The following WRN variants were observed in gnomAD, a reference collection of about 807,000 sequenced individuals.
WRN encodes the protein WRN RecQ like helicase.
In WRN, 149 loss-of-function variants were observed where a neutral mutation model predicts 180.7. The observed-to-expected ratio is 0.82, with a 90% CI of 0.72 to 0.94. WRN has a LOEUF of 0.94. Ranked by LOEUF, WRN falls within the 40% of genes least tolerant of loss-of-function variation. The pLI is 0.00. For synonymous variants in WRN, 548 were observed against 568.9 expected, an observed-to-expected ratio of 0.96 and a Z score of 0.52; for missense variants, 1,661 against 1,700.1, an observed-to-expected ratio of 0.98 and a Z score of 0.40.
chr8:31,148,004 C>T (rs1288198349), intron 30 of WRN, among the ~76,000 whole-genome samples: 1 of 151,760 alleles, frequency 6.6e-6, no homozygotes, highest in Non-Finnish European at 1.5e-5. Flanking sequence ...CCTCGCACCT[C>T]AGCCTCCCGA....
At chr8:31,071,197 G>A (rs1038994675) in intron 7 of WRN, among the ~76,000 whole-genome samples, 1 of 152,100 alleles carries the variant, frequency 6.6e-6, no homozygotes, top group East Asian at 1.9e-4. Context: ...ATAGGGCTGG[G>A]CGGATGAAGG....
At chr8:31,097,519 A>T (rs1286758145) in intron 17 of WRN, among the ~76,000 whole-genome samples, 1 of 152,216 alleles carries the variant, frequency 6.6e-6, no homozygotes, top group Non-Finnish European at 1.5e-5. Flanking sequence ...TATTTCCTAG[A>T]ACGTGTAAAT....
chr8:31,169,510 T>C lies in WRN; in HGVS notation c.4191+2280T>C, dbSNP rs1186788360. Among the ~76,000 whole-genome samples the C allele has an allele frequency of 3.3e-5, 5 of 152,152 alleles. No individual in the cohort carries two copies. The East Asian group carries it at 9.6e-4, about 29-fold the overall frequency. On this transcript the variant is annotated intron_variant, in intron 34 of 34. Transcript: ENST00000298139. ...TATTTTAGATAATTTTCCTAATGTTTTCCAGCTCATTTGGAAAGGCTACAG... is the reference window on the plus strand; with the variant it reads ...TATTTTAGATAATTTTCCTAATGTTCTCCAGCTCATTTGGAAAGGCTACAG...
At chr8:31,036,559 G>A (rs892531604) in intron 1 of WRN, among the ~76,000 whole-genome samples, 1 of 152,106 alleles carries the variant, frequency 6.6e-6, no homozygotes, top group East Asian at 1.9e-4. Context: ...CAGGTGTGAG[G>A]TGATATCTCA....
In WRN at chr8:31,058,383, A is replaced by G. The variant is rs1812355283; in HGVS notation, c.-65A>G. ...GTACTACCTCTCAGTTTTCTTTCAG[A>G]TATTGTTTTGTATTTACCCATGAAG... On this transcript the variant is annotated 5_prime_UTR_variant, in exon 2 of 35. Coordinates refer to ENST00000298139, the MANE Select transcript of WRN (RefSeq NM_000553.6). The G allele has an allele frequency of 1.5e-6, 2 of 1,377,586 alleles. No individual in the cohort carries two copies. Among genetic ancestry groups the G allele is most frequent in the South Asian group, 1.2e-5 (1 of 82,530 alleles). The allele number at this position is 1,377,586 out of a possible 1,614,324, so 85.3% of individuals were successfully genotyped here. A position where few individuals can be genotyped will look rare whatever the true frequency, so the allele number is the denominator to read the frequency against.
chr8:31,122,688 T>C (rs1801767079), intron 21 of WRN, among the ~76,000 whole-genome samples: 1 of 151,962 alleles, frequency 6.6e-6, no homozygotes, highest in South Asian at 2.1e-4. Flanking sequence ...ACTGGACTTA[T>C]TTTTGTAGTC....
At position 31,076,333 on chromosome 8, in the gene WRN, A is replaced by AT. The variant is rs764205700; in HGVS notation, c.839+53dup. 6.7e-4 allele frequency: 977 copies of AT among 1,461,056 alleles called. 1 individual carries two copies. The highest frequency in any genetic ancestry group is 8.7e-4 in the Non-Finnish European group (931 of 1,070,040). 90.5% of individuals were successfully genotyped at this position (1,461,056 alleles called of 1,614,324 possible). A position where few individuals can be genotyped will look rare whatever the true frequency, so the allele number is the denominator to read the frequency against. ...TTTTTAACTTAAATCAATTCTGTTT[A>AT]TTTTTTTATCACATTTTCCTATATG... On this transcript the variant is annotated intron_variant, in intron 8 of 34. Transcript: ENST00000298139.
At chr8:31,139,781 C>T (rs913280806) in intron 24 of WRN, among the ~76,000 whole-genome samples, 5 of 152,012 alleles carry the variant, frequency 3.3e-5, no homozygotes, top group African/African-American at 1.2e-4. Context: ...GTAGCCTTAG[C>T]CTCACTTCCT....
intron 30 of WRN, among the ~76,000 whole-genome samples, chr8:31,148,896 A>G (rs529159493): frequency 8.5e-5 from 13 of 152,340 alleles, no homozygotes; most frequent in South Asian, 4.1e-4. Context: ...AGCACCTAGC[A>G]CAATGCCTCA....
intron 31 of WRN, among the ~76,000 whole-genome samples, chr8:31,153,508 G>A (rs1275226934): frequency 3.9e-5 from 6 of 152,116 alleles, no homozygotes; most frequent in African/African-American, 1.4e-4. Flanking sequence ...TAGGCCCACC[G>A]TATGCTCAGA....
intron 16 of WRN, 46 bp downstream of exon 16, chr8:31,091,944 T>A: frequency 6.4e-7 from 1 of 1,569,244 alleles, no homozygotes; most frequent in Non-Finnish European, 8.8e-7. Flanking sequence ...TTTATGGGGG[T>A]GCATATGCAA....
Position 31,090,908 on chromosome 8 carries a change from A to T in WRN, c.1795A>T (p.Ile599Phe). ...GATTGGCCTTGTTATCTCTCCCCTT[A>T]TTTCTCTGATGGAAGACCAAGTGCT... The part of the protein sequence containing the change: ...GKIGLVISPL[I>F]SLMEDQVLQL... Residue 599 changes from isoleucine to phenylalanine, a missense_variant, in exon 15 of 35, where the codon ATT (isoleucine) becomes TTT (phenylalanine). Transcript: ENST00000298139. 1 of 1,612,616 alleles carries T rather than the reference A, an allele frequency of 6.2e-7. No individual in the cohort carries two copies. Among genetic ancestry groups the T allele is most frequent in the Non-Finnish European group, 8.5e-7 (1 of 1,179,138 alleles).
chr8:31,140,003 G>GTTTT (rs71539917), intron 24 of WRN, among the ~76,000 whole-genome samples: 862 of 62,106 alleles, frequency 0.014, 173 homozygotes, highest in East Asian at 0.029. Flanking sequence ...ATACTTCTTT[G>GTTTT]TTTTTTTTTT....
chr8:31,095,638 G>A (rs1813933853), intron 16 of WRN, among the ~76,000 whole-genome samples: 1 of 152,118 alleles, frequency 6.6e-6, no homozygotes, highest in Admixed American at 6.5e-5. Context: ...TTTTTAAAAA[G>A]ACTATGCTTT....
At chr8:31,109,619 A>C (rs938941675) in intron 18 of WRN, among the ~76,000 whole-genome samples, 6 of 152,298 alleles carry the variant, frequency 3.9e-5, no homozygotes, top group Non-Finnish European at 8.8e-5. Context: ...AATATTTATG[A>C]TAGTTGAAAC....
intron 17 of WRN, among the ~76,000 whole-genome samples, chr8:31,097,080 T>A (rs143009136): frequency 6.6e-6 from 1 of 152,212 alleles, no homozygotes; most frequent in Non-Finnish European, 1.5e-5. Flanking sequence ...TGTTTATATA[T>A]CTGTTTTCTT....
chr8:31,116,941 G>T (rs1201980839), intron 20 of WRN, among the ~76,000 whole-genome samples: 1 of 152,198 alleles, frequency 6.6e-6, no homozygotes, highest in Non-Finnish European at 1.5e-5. Flanking sequence ...AATGTGACTG[G>T]TATGGAATGG....
At chr8:31,074,330 G>A (rs933683113) in intron 7 of WRN, among the ~76,000 whole-genome samples, 8 of 152,116 alleles carry the variant, frequency 5.3e-5, no homozygotes, top group Admixed American at 6.5e-5. Flanking sequence ...GAGAGTGAGT[G>A]TAGACAACTC....
At chr8:31,072,886 T>G (rs1812963916) in intron 7 of WRN, among the ~76,000 whole-genome samples, 2 of 152,066 alleles carry the variant, frequency 1.3e-5, no homozygotes. Flanking sequence ...TTAGCAGGAT[T>G]AGAGGGAAGA....
Sources: allele counts gnomAD v4.1 joint callset (sites outside exome capture counted in the v4.1 genomes callset), GRCh38; gene constraint gnomAD v4.1.1; transcripts MANE v1.5; gene names NCBI Gene and HGNC (gene_info 2026-07-23, HGNC 2026-07-21).